Variants in IQSEC1 observed in about 807,000 individuals in gnomAD.
IQSEC1 encodes the protein IQ motif and SEC7 domain-containing protein 1.
Under a neutral mutation model 91.0 loss-of-function variants are expected in IQSEC1, and 31 were observed. The observed-to-expected ratio is 0.34, with a 90% CI of 0.26 to 0.46. The LOEUF (loss-of-function observed/expected upper bound fraction) is 0.46, where lower values mean the gene tolerates loss of function less well. Among genes scored for constraint, IQSEC1 ranks in the 20% least tolerant of loss-of-function variants. The pLI is 1.00. For missense variants in IQSEC1, 1,388 were observed against 1,575.6 expected, an observed-to-expected ratio of 0.88 and a Z score of 2.02; for synonymous variants, 699 against 662.6, an observed-to-expected ratio of 1.05 and a Z score of -0.84.
At position 12,994,185 on chromosome 3, in the gene IQSEC1, G is replaced by T. The variant is rs1702124816; in HGVS notation, c.24-52320C>A. On this transcript the variant is annotated intron_variant, in intron 1 of 13. Transcript: ENST00000613206. This position sits in a 1 kb window ranked among gnomAD's most constrained non-coding sequence, Gnocchi z 4.5. ...CGGGGGGGCGGGGGCGGGCGCTCGGGAGCCGGAGCCGGAGCCCGAGCCCGA... is the reference window on the plus strand; with the variant it reads ...CGGGGGGGCGGGGGCGGGCGCTCGGTAGCCGGAGCCGGAGCCCGAGCCCGA... 1.4e-5 allele frequency among the ~76,000 whole-genome samples: 2 copies of T among 146,890 alleles called. No homozygotes were observed.
chr3:12,971,201 A>G lies in IQSEC1; in HGVS notation c.24-29336T>C, dbSNP rs141408871. On this transcript the variant is annotated intron_variant, in intron 1 of 13. Transcript: ENST00000613206. ...CTGAGGCAGTCTTACATTGGCTCCA[A>G]CTACCCTGGCAAACCCCCTGCGTGT... Among the ~76,000 whole-genome samples the G allele has an allele frequency of 2.9e-3, 437 of 152,344 alleles. 1 individual carries two copies. Among genetic ancestry groups the G allele is most frequent in the South Asian group, 7.3e-3 (35 of 4,826 alleles).
At chr3:13,036,505 C>T (rs942478779) in intron 1 of IQSEC1, among the ~76,000 whole-genome samples, 2 of 152,124 alleles carry the variant, frequency 1.3e-5, no homozygotes, top group Non-Finnish European at 2.9e-5. Context: ...ATTGCATTCC[C>T]ACTTCGCCTG....
chr3:13,006,796 C>T (rs1294537018), intron 1 of IQSEC1, among the ~76,000 whole-genome samples: 2 of 152,206 alleles, frequency 1.3e-5, no homozygotes, highest in African/African-American at 2.4e-5. Context: ...TGTCCATGGG[C>T]CGCTGGGGAA....
intron 1 of IQSEC1, among the ~76,000 whole-genome samples, chr3:12,959,667 C>T (rs1315103908): frequency 6.6e-6 from 1 of 152,190 alleles, no homozygotes; most frequent in African/African-American, 2.4e-5. Context: ...GCCCCAGTGA[C>T]ATGACTTTTC....
intron 2 of IQSEC1, among the ~76,000 whole-genome samples, chr3:13,080,946 C>T (rs1005521361): frequency 1.5e-4 from 23 of 152,214 alleles, no homozygotes; most frequent in Admixed American, 1.3e-4. Context: ...TTATTTATAA[C>T]AACAATAAAC....
intron 1 of IQSEC1, among the ~76,000 whole-genome samples, chr3:13,203,226 C>T (rs988784686): frequency 1.3e-5 from 2 of 152,014 alleles, no homozygotes; most frequent in Admixed American, 1.3e-4. Context: ...CACACACATA[C>T]ATGCACACAC....
intron 1 of IQSEC1, among the ~76,000 whole-genome samples, chr3:13,215,584 C>T (rs1694528823): frequency 1.3e-5 from 2 of 152,114 alleles, no homozygotes; most frequent in East Asian, 1.9e-4. Context: ...GTCCTGGGGC[C>T]GAGGGAGGCA....
intron 1 of IQSEC1, among the ~76,000 whole-genome samples, chr3:13,236,219 C>A (rs1694925794): frequency 6.6e-6 from 1 of 152,154 alleles, no homozygotes; most frequent in Admixed American, 6.5e-5. Flanking sequence ...TCAGAGCCTG[C>A]ACTCAGGTGG....
intron 1 of IQSEC1, among the ~76,000 whole-genome samples, chr3:13,001,288 A>G (rs1702411476): frequency 6.6e-6 from 1 of 151,934 alleles, no homozygotes. Flanking sequence ...ATTACCCCAC[A>G]CTGCCTGTGC....
chr3:13,010,829 T>C (rs1294983177), intron 1 of IQSEC1, among the ~76,000 whole-genome samples: 2 of 152,150 alleles, frequency 1.3e-5, no homozygotes, highest in African/African-American at 4.8e-5. Flanking sequence ...TGTCCTGAAC[T>C]CTGGCCCTCA....
chr3:12,904,744 A>C (rs2125031910), intron 12 of IQSEC1, among the ~76,000 whole-genome samples: 1 of 152,236 alleles, frequency 6.6e-6, no homozygotes, highest in South Asian at 2.1e-4. Flanking sequence ...TGGCTGACTA[A>C]AAACCAGGGC....
chr3:12,973,557 C>A (rs1701011261), intron 1 of IQSEC1, among the ~76,000 whole-genome samples: 1 of 152,178 alleles, frequency 6.6e-6, no homozygotes, highest in Non-Finnish European at 1.5e-5. Context: ...ACAGCTACCA[C>A]AGCCCTAGGG....
intron 1 of IQSEC1, among the ~76,000 whole-genome samples, chr3:13,263,920 G>T (rs1164580035): frequency 2.0e-5 from 3 of 152,238 alleles, no homozygotes; most frequent in Non-Finnish European, 4.4e-5. Context: ...TCGTGGACAA[G>T]AAAGTCTGCT....
At chr3:13,120,696 G>A (rs777247127) in intron 2 of IQSEC1, among the ~76,000 whole-genome samples, 18 of 152,168 alleles carry the variant, frequency 1.2e-4, no homozygotes, top group Non-Finnish European at 2.1e-4. Context: ...GAGCAACGAC[G>A]GGCTGGCCAG....
chr3:13,260,081 G>A (rs1028305525), intron 1 of IQSEC1, among the ~76,000 whole-genome samples: 5 of 152,196 alleles, frequency 3.3e-5, no homozygotes, highest in East Asian at 1.9e-4. Context: ...CACGCCTGGA[G>A]GACAGTGCCT....
At chr3:13,075,919 G>A (rs191098172), upstream of IQSEC1, among the ~76,000 whole-genome samples, 6 of 152,228 alleles carry the variant, frequency 3.9e-5, no homozygotes, top group African/African-American at 7.2e-5. Context: ...AAAGGGGCGC[G>A]CCCACCTGTG....
intron 2 of IQSEC1, among the ~76,000 whole-genome samples, chr3:13,132,488 G>T (rs1335654146): frequency 6.6e-6 from 1 of 152,184 alleles, no homozygotes; most frequent in African/African-American, 2.4e-5. Flanking sequence ...CGAGCTCTGT[G>T]CAGTGTATCC....
rs1169616029 is a variant in IQSEC1, at chr3:12,979,677, AT to A, written c.24-37813del. ...ACATTGCATTAAGCCTTTGTGGGTG[AT>A]AAAGAGACATTAAAGGTCTGTCAGC... On this transcript the variant is annotated intron_variant, in intron 1 of 13. Coordinates refer to ENST00000613206, the MANE Select transcript of IQSEC1 (RefSeq NM_001134382.3). The surrounding 1 kb of genome is among the most constrained non-coding windows in gnomAD (Gnocchi z 4.3). Among the ~76,000 whole-genome samples, 3 of 152,186 alleles carry A rather than the reference AT, an allele frequency of 2.0e-5. No homozygotes were observed. Among genetic ancestry groups the A allele is most frequent in the Non-Finnish European group, 2.9e-5 (2 of 68,040 alleles).
chr3:12,944,881 C>T (rs1699074864), intron 1 of IQSEC1, among the ~76,000 whole-genome samples: 1 of 152,224 alleles, frequency 6.6e-6, no homozygotes, highest in Non-Finnish European at 1.5e-5. Context: ...CCTCACTGTG[C>T]TGCCCCCGAC....
Sources: gnomAD v4.1 joint callset for allele counts (sites outside exome capture counted in the v4.1 genomes callset) on GRCh38, gnomAD v4.1.1 for gene constraint, Gnocchi (gnomAD v3.1) non-coding constraint, MANE v1.5 for transcripts, NCBI Gene and HGNC (gene_info 2026-07-23, HGNC 2026-07-21) for gene names.